Variants in HNMT observed in about 807,000 individuals in gnomAD.
HNMT encodes histamine N-methyltransferase.
Under a neutral mutation model 32.1 loss-of-function variants are expected in HNMT, and 30 were observed. That is an observed-to-expected ratio of 0.93 (90% CI 0.70 to 1.27). The LOEUF (loss-of-function observed/expected upper bound fraction) is 1.27, where lower values mean the gene tolerates loss of function less well. HNMT is among the 50% of genes most tolerant of loss of function. The pLI is 0.00. For synonymous variants in HNMT, 125 were observed against 119.0 expected (o/e 1.05, Z -0.33); for missense variants, 327 against 346.0 (o/e 0.95, Z 0.43).
chr2:137,990,559 C>G (rs1455168), intron 2 of HNMT, among the ~76,000 whole-genome samples: 149,846 of 152,288 alleles, frequency 0.98, 73,772 homozygotes, highest in Middle Eastern at 1. Context: ...TATTATATTG[C>G]AGATTATGGG....
Position 138,013,809 on chromosome 2 carries a change from C to T in HNMT, c.558C>T (p.Tyr186=), listed in dbSNP as rs143554428. The T allele has an allele frequency of 6.8e-5, 110 of 1,613,096 alleles. 1 individual carries two copies. The highest frequency in any genetic ancestry group is 4.5e-4 in the African/African-American group (34 of 74,988). ...GCTGGGACAAGCTGTGGAAAAAGTACGGATCACGCTTTCCCCAGGATGACC... is the reference window on the plus strand; with the variant it reads ...GCTGGGACAAGCTGTGGAAAAAGTATGGATCACGCTTTCCCCAGGATGACC... ...SSGWDKLWKK[Y]GSRFPQDDLC... is the part of the protein sequence containing the mutation. The change falls in exon 6 of 6, where the codon TAC becomes TAT. Residue 186 remains tyrosine (Y), a synonymous_variant. Coordinates refer to ENST00000280097, the MANE Select transcript of HNMT (RefSeq NM_006895.3).
chr2:137,999,445 T>G (rs1481403816), intron 2 of HNMT, among the ~76,000 whole-genome samples: 1 of 152,126 alleles, frequency 6.6e-6, no homozygotes, highest in Non-Finnish European at 1.5e-5. Flanking sequence ...TCTCCTATTG[T>G]CAGTACTTGG....
chr2:138,013,821 T>A lies in HNMT; in HGVS notation c.570T>A (p.Phe190Leu). The A allele has an allele frequency of 6.2e-7, 1 of 1,613,544 alleles. No individual in the cohort carries two copies. The highest frequency in any genetic ancestry group is 8.5e-7 in the Non-Finnish European group (1 of 1,179,726). The change falls in exon 6 of 6, where the codon TTT becomes TTA. Residue 190 changes from phenylalanine to leucine, a missense_variant. Coordinates refer to ENST00000280097, the MANE Select transcript of HNMT (RefSeq NM_006895.3). ...TGTGGAAAAAGTACGGATCACGCTT[T>A]CCCCAGGATGACCTCTGCCAGTATA... ...DKLWKKYGSR[F>L]PQDDLCQYIT...
chr2:137,995,419 A>C (rs978079154), intron 2 of HNMT, among the ~76,000 whole-genome samples: 1 of 152,168 alleles, frequency 6.6e-6, no homozygotes, highest in African/African-American at 2.4e-5. Context: ...ACTCTAGAAG[A>C]AATGGTTAAA....
intron 2 of HNMT, among the ~76,000 whole-genome samples, chr2:137,986,463 A>C (rs1680654491): frequency 6.6e-6 from 1 of 152,216 alleles, no homozygotes; most frequent in Middle Eastern, 3.4e-3. Flanking sequence ...AAGGCCAGAA[A>C]TGACCAGTTC....
intron 4 of HNMT, 86 bp from the exon 5 acceptor site, chr2:138,005,046 A>G (rs1410505819): frequency 7.1e-6 from 5 of 700,894 alleles, no homozygotes; most frequent in Non-Finnish European, 9.9e-6. Flanking sequence ...TCAACTAGAA[A>G]ATCAAACTTT....
chr2:137,998,010 G>A (rs1435249742), intron 2 of HNMT, among the ~76,000 whole-genome samples: 1 of 152,020 alleles, frequency 6.6e-6, no homozygotes. Flanking sequence ...AGACACCAGG[G>A]CCTGTTGGGG....
At chr2:137,984,046 A>G (rs1680580593) in intron 2 of HNMT, among the ~76,000 whole-genome samples, 1 of 152,122 alleles carries the variant, frequency 6.6e-6, no homozygotes, top group African/African-American at 2.4e-5. Context: ...CTAAGTATTG[A>G]TCTGATCTAT....
chr2:138,002,992 C>A (rs2104977334), intron 4 of HNMT, among the ~76,000 whole-genome samples: 1 of 149,740 alleles, frequency 6.7e-6, no homozygotes, highest in East Asian at 2.0e-4. Flanking sequence ...GAACAAAAAA[C>A]CAAACACCGC....
Position 137,970,152 on chromosome 2 carries a change from T to C in HNMT, c.138-13T>C, listed in dbSNP as rs766940514. ...ACACATTTTTCTAAAACTACATAAT[T>C]TTTTTCTTTCAGGATTGGAGACACA... On this transcript the variant is annotated splice_polypyrimidine_tract_variant and intron_variant, in intron 1 of 5. Transcript: ENST00000280097. 9 of 1,511,006 alleles carry C rather than the reference T, an allele frequency of 6.0e-6. No individual in the cohort carries two copies. The highest frequency in any genetic ancestry group is 7.3e-6 in the Non-Finnish European group (8 of 1,094,612). The allele number at this position is 1,511,006 out of a possible 1,614,324, so 93.6% of individuals were successfully genotyped here.
intron 2 of HNMT, among the ~76,000 whole-genome samples, chr2:137,976,561 G>T (rs1041598223): frequency 6.6e-6 from 1 of 152,086 alleles, no homozygotes; most frequent in Admixed American, 6.5e-5. Context: ...TTCTAATGGG[G>T]TTTCTAGACC....
intron 2 of HNMT, among the ~76,000 whole-genome samples, chr2:137,984,287 C>G (rs1680587208): frequency 6.6e-6 from 1 of 152,128 alleles, no homozygotes; most frequent in Admixed American, 6.5e-5. Flanking sequence ...ATAAGTATTA[C>G]CAAATTAGTC....
intron 2 of HNMT, among the ~76,000 whole-genome samples, chr2:137,994,612 G>A (rs1357918056): frequency 6.6e-6 from 1 of 152,054 alleles, no homozygotes; most frequent in Non-Finnish European, 1.5e-5. Flanking sequence ...TTAGATCAAT[G>A]AGACAGAAAA....
intron 5 of HNMT, among the ~76,000 whole-genome samples, chr2:138,010,518 A>G (rs922867289): frequency 1.3e-5 from 2 of 151,832 alleles, no homozygotes; most frequent in African/African-American, 4.8e-5. Flanking sequence ...GCAATAAAGA[A>G]CAAACAACTA....
Position 138,014,706 on chromosome 2 carries a change from A to T in HNMT, c.*576A>T, listed in dbSNP as rs1035400706. The stretch of plus-strand genomic sequence containing the variant: ...GTTTTCTCTTGTAATTTTATCTGTG[A>T]ATTAATAGCTTTTTGTTTGTCTTTT... On this transcript the variant is annotated 3_prime_UTR_variant, in exon 6 of 6. Coordinates refer to ENST00000280097, the MANE Select transcript of HNMT (RefSeq NM_006895.3). 6.6e-6 allele frequency: 1 copy of T among 152,002 alleles called. No homozygotes were observed. Among genetic ancestry groups the T allele is most frequent in the African/African-American group, 2.4e-5 (1 of 41,346 alleles). 9.4% of individuals were successfully genotyped at this position (152,002 alleles called of 1,614,324 possible).
At chr2:137,976,280 C>CA (rs370528168) in intron 2 of HNMT, among the ~76,000 whole-genome samples, 12 of 139,476 alleles carry the variant, frequency 8.6e-5, no homozygotes, top group African/African-American at 3.2e-4. Context: ...AAACAAAAAA[C>CA]AAAAAAAAAA....
At chr2:137,970,036 G>T in intron 1 of HNMT, 129 bp from the exon 2 acceptor site, 1 of 537,976 alleles carries the variant, frequency 1.9e-6, no homozygotes, top group Non-Finnish European at 3.4e-6. Flanking sequence ...GATATAATTG[G>T]GACATTTCAT....
Position 138,016,055 on chromosome 2 carries a change from C to T in HNMT, c.*1925C>T, listed in dbSNP as rs1436739386. 6.6e-6 allele frequency: 1 copy of T among 152,100 alleles called. No homozygotes were observed. The highest frequency in any genetic ancestry group is 2.4e-5 in the African/African-American group (1 of 41,434). The allele number at this position is 152,100 out of a possible 1,614,324, so 9.4% of individuals were successfully genotyped here. ...GTATAAATTCAAGGGATAAACCTAT[C>T]CCTGTTTTCTTCCTGCACTGTATGA... On this transcript the variant is annotated 3_prime_UTR_variant, in exon 6 of 6. Coordinates refer to ENST00000280097, the MANE Select transcript of HNMT (RefSeq NM_006895.3).
intron 4 of HNMT, among the ~76,000 whole-genome samples, chr2:138,004,539 T>C (rs555215074): frequency 6.6e-6 from 1 of 151,974 alleles, no homozygotes; most frequent in Non-Finnish European, 1.5e-5. Context: ...TAGAGATTGA[T>C]CCAGAATTAT....
Sources: allele counts gnomAD v4.1 joint callset (sites outside exome capture counted in the v4.1 genomes callset), GRCh38; gene constraint gnomAD v4.1.1; transcripts MANE v1.5; gene names NCBI Gene and HGNC (gene_info 2026-07-23, HGNC 2026-07-21).